ROBO1: variants seen among roughly 807,000 people sequenced by gnomAD.
The protein encoded by ROBO1 is roundabout homolog 1.
ROBO1 carries 149 observed loss-of-function variants against 195.9 expected under a neutral mutation model. That is an observed-to-expected ratio of 0.76 (90% CI 0.67 to 0.87). The LOEUF (loss-of-function observed/expected upper bound fraction) is 0.87, where lower values mean the gene tolerates loss of function less well. Among genes scored for constraint, ROBO1 ranks in the 40% least tolerant of loss-of-function variants. The pLI is 0.00. For synonymous variants in ROBO1, 816 were observed against 733.2 expected (o/e 1.11, Z -1.82); for missense variants, 1,933 against 2,068.3 (o/e 0.93, Z 1.27).
intron 1 of ROBO1, among the ~76,000 whole-genome samples, chr3:79,640,433 G>A (rs762398117): frequency 2.0e-5 from 3 of 151,870 alleles, no homozygotes; most frequent in Non-Finnish European, 4.4e-5. Context: ...CTTTTTCTTT[G>A]TAAATTACCC....
intron 2 of ROBO1, among the ~76,000 whole-genome samples, chr3:79,579,867 G>A (rs1943603915): frequency 6.6e-6 from 1 of 152,112 alleles, no homozygotes; most frequent in Non-Finnish European, 1.5e-5. Context: ...TGGCTCCAGT[G>A]AGCAATGATA....
intron 2 of ROBO1, among the ~76,000 whole-genome samples, chr3:79,500,116 TCTC>T (rs1190192924): frequency 1.5e-5 from 2 of 129,290 alleles, no homozygotes; most frequent in Non-Finnish European, 1.6e-5. Flanking sequence ...CAGTAAGTTT[TCTC>T]TTTTTTTTTT....
At chr3:79,401,790 TTAAAA>T (rs950707226) in intron 2 of ROBO1, among the ~76,000 whole-genome samples, 3 of 151,784 alleles carry the variant, frequency 2.0e-5, no homozygotes, top group African/African-American at 7.2e-5. Flanking sequence ...TTTCTAACAC[TTAAAA>T]TAAAAATATA....
chr3:79,576,643 T>C lies in ROBO1; in HGVS notation c.88+13181A>G, dbSNP rs575857760. Among the ~76,000 whole-genome samples the C allele has an allele frequency of 3.9e-5, 6 of 152,226 alleles. No individual in the cohort carries two copies. In the South Asian group the frequency reaches 1.2e-3, roughly 32 times the overall value. ...AATGCTTTTGGTTAACATTGCCCAG[T>C]TTATTTGCTGTAAATAAAGTAATCT... On this transcript the variant is annotated intron_variant, in intron 2 of 30. Coordinates refer to ENST00000464233, the MANE Select transcript of ROBO1 (RefSeq NM_002941.4).
intron 3 of ROBO1, among the ~76,000 whole-genome samples, chr3:78,943,771 T>C (rs893311388): frequency 6.6e-6 from 1 of 152,192 alleles, no homozygotes; most frequent in African/African-American, 2.4e-5. Flanking sequence ...TTTAATAATT[T>C]GAGGAGAATG....
chr3:79,535,063 C>T (rs1051517335), intron 2 of ROBO1, among the ~76,000 whole-genome samples: 15 of 117,052 alleles, frequency 1.3e-4, no homozygotes, highest in Non-Finnish European at 3.8e-5. Context: ...AGGACTAATC[C>T]CCAAATGCCT....
At chr3:78,890,678 G>A (rs2036838819) in intron 4 of ROBO1, among the ~76,000 whole-genome samples, 1 of 152,070 alleles carries the variant, frequency 6.6e-6, no homozygotes, top group African/African-American at 2.4e-5. Context: ...TACTTTACAT[G>A]TTGAATACAT....
chr3:79,234,363 A>C (rs537331754), intron 2 of ROBO1, among the ~76,000 whole-genome samples: 1 of 152,242 alleles, frequency 6.6e-6, no homozygotes, highest in African/African-American at 2.4e-5. Flanking sequence ...TACTTTTTGC[A>C]TATAGCGAAA....
intron 19 of ROBO1, 78 bp downstream of exon 19, chr3:78,651,654 A>T (rs1706666854): frequency 8.2e-7 from 1 of 1,212,712 alleles, no homozygotes; most frequent in Admixed American, 3.1e-5. Context: ...ATGCATAATC[A>T]TGAATAATTT....
At chr3:78,828,721 A>G (rs1459191786) in intron 4 of ROBO1, among the ~76,000 whole-genome samples, 1 of 152,198 alleles carries the variant, frequency 6.6e-6, no homozygotes, top group African/African-American at 2.4e-5. Context: ...CAAGACAAGC[A>G]AACTGTTGCC....
At chr3:78,737,271 G>A (rs373626977) in intron 5 of ROBO1, among the ~76,000 whole-genome samples, 8 of 152,226 alleles carry the variant, frequency 5.3e-5, no homozygotes, top group South Asian at 4.1e-4. Flanking sequence ...CTGGATCTTC[G>A]TTCACATACA....
chr3:79,263,983 C>G (rs2082987731), intron 2 of ROBO1, among the ~76,000 whole-genome samples: 1 of 152,022 alleles, frequency 6.6e-6, no homozygotes. Context: ...ACCACAAATC[C>G]TTGCATGTCT....
At chr3:78,743,772 G>T (rs184288139) in intron 5 of ROBO1, among the ~76,000 whole-genome samples, 3 of 152,180 alleles carry the variant, frequency 2.0e-5, no homozygotes, top group African/African-American at 7.2e-5. Flanking sequence ...AATAAGACAA[G>T]TAGCTTCCTT....
intron 8 of ROBO1, among the ~76,000 whole-genome samples, chr3:78,689,020 G>A (rs1224717739): frequency 6.6e-6 from 1 of 152,086 alleles, no homozygotes; most frequent in Non-Finnish European, 1.5e-5. Flanking sequence ...CATAATGAAA[G>A]GAATTCTAAA....
intron 2 of ROBO1, among the ~76,000 whole-genome samples, chr3:79,158,066 GA>G (rs1333112422): frequency 1.1e-4 from 17 of 151,686 alleles, no homozygotes; most frequent in African/African-American, 4.1e-4. Flanking sequence ...TTTCATAAAA[GA>G]AAAGAGTACA....
At chr3:78,601,960 A>G (rs984340560) in intron 29 of ROBO1, among the ~76,000 whole-genome samples, 10 of 151,944 alleles carry the variant, frequency 6.6e-5, no homozygotes, top group African/African-American at 2.4e-4. Flanking sequence ...TTCTACTTTC[A>G]GCCTAATGTA....
intron 2 of ROBO1, among the ~76,000 whole-genome samples, chr3:79,274,119 G>A (rs1236671452): frequency 2.6e-5 from 4 of 151,774 alleles, no homozygotes; most frequent in Non-Finnish European, 1.5e-5. Context: ...AGACAGAATG[G>A]CAACAAAGAA....
At chr3:79,477,168 T>C (rs939249366) in intron 2 of ROBO1, among the ~76,000 whole-genome samples, 1 of 152,144 alleles carries the variant, frequency 6.6e-6, no homozygotes, top group Non-Finnish European at 1.5e-5. Flanking sequence ...ATGCTCATAA[T>C]TGGAAAATGC....
intron 2 of ROBO1, among the ~76,000 whole-genome samples, chr3:79,468,061 C>G (rs970391352): frequency 6.6e-6 from 1 of 152,166 alleles, no homozygotes; most frequent in Non-Finnish European, 1.5e-5. Context: ...AAAGTCTGGA[C>G]TAGTTTACTA....
Sources: allele counts gnomAD v4.1 joint callset (sites outside exome capture counted in the v4.1 genomes callset), GRCh38; gene constraint gnomAD v4.1.1; transcripts MANE v1.5; gene names NCBI Gene and HGNC (gene_info 2026-07-23, HGNC 2026-07-21).